Variants in PALM2AKAP2 observed in about 807,000 individuals in gnomAD.
PALM2AKAP2 encodes PALM2 and AKAP2 fusion, also known as PALM2-AKAP2 fusion protein.
Under a neutral mutation model 71.5 loss-of-function variants are expected in PALM2AKAP2, and 37 were observed. The observed-to-expected ratio is 0.52, with a 90% CI of 0.40 to 0.68. PALM2AKAP2 has a LOEUF of 0.68. Among genes scored for constraint, PALM2AKAP2 ranks in the 30% least tolerant of loss-of-function variants. The pLI is 0.00. For missense variants in PALM2AKAP2, 1,224 were observed against 1,191.8 expected, an observed-to-expected ratio of 1.03 and a Z score of -0.40; for synonymous variants, 468 against 478.8, an observed-to-expected ratio of 0.98 and a Z score of 0.29.
At chr9:109,735,153 C>A in intron 1 of PALM2AKAP2, among the ~76,000 whole-genome samples, 1 of 149,592 alleles carries the variant, frequency 6.7e-6, no homozygotes, top group African/African-American at 2.5e-5. Flanking sequence ...TTCTCTGTGT[C>A]TTTGACTCTG....
intron 1 of PALM2AKAP2, among the ~76,000 whole-genome samples, chr9:110,105,907 G>C (rs1835108113): frequency 1.3e-5 from 2 of 152,162 alleles, no homozygotes; most frequent in South Asian, 4.1e-4. Flanking sequence ...AAGAAAAGAA[G>C]CGTCTGACCA....
chr9:109,874,995 C>A (rs1829688366), intron 2 of PALM2AKAP2, among the ~76,000 whole-genome samples: 1 of 152,210 alleles, frequency 6.6e-6, no homozygotes, highest in Admixed American at 6.5e-5. Flanking sequence ...CTGCCCCTTG[C>A]AATGTGTTCT....
At chr9:109,947,015 C>T (rs1261748634) in intron 6 of PALM2AKAP2, among the ~76,000 whole-genome samples, 1 of 152,192 alleles carries the variant, frequency 6.6e-6, no homozygotes, top group Non-Finnish European at 1.5e-5. Flanking sequence ...ATAATTGCCT[C>T]TAAAACTGAT....
intron 6 of PALM2AKAP2, among the ~76,000 whole-genome samples, chr9:109,983,812 C>T (rs188694250): frequency 6.6e-6 from 1 of 151,496 alleles, no homozygotes; most frequent in South Asian, 2.1e-4. Context: ...TTGCAGTGAG[C>T]CGAGATCATG....
At chr9:109,681,617 T>C (rs1275158758) in intron 1 of PALM2AKAP2, among the ~76,000 whole-genome samples, 3 of 152,114 alleles carry the variant, frequency 2.0e-5, no homozygotes, top group Non-Finnish European at 4.4e-5. Flanking sequence ...CAAAAGACAC[T>C]AGGGCAGGAT....
intron 1 of PALM2AKAP2, among the ~76,000 whole-genome samples, chr9:110,121,499 C>T (rs1328145104): frequency 6.6e-6 from 1 of 152,156 alleles, no homozygotes; most frequent in Non-Finnish European, 1.5e-5. Flanking sequence ...GGGAGGGGAA[C>T]CTTCCTAGTG....
intron 1 of PALM2AKAP2, among the ~76,000 whole-genome samples, chr9:110,095,648 A>G (rs1254131308): frequency 2.0e-5 from 3 of 152,128 alleles, no homozygotes; most frequent in Non-Finnish European, 4.4e-5. Context: ...AGCAAGTAGG[A>G]GACGGGGAAG....
exon 2 of PALM2AKAP2, chr9:110,136,978 A>G (rs990010004): frequency 1.2e-6 from 2 of 1,614,164 alleles, no homozygotes; most frequent in East Asian, 4.5e-5. Context: ...CCCCGCAGGA[A>G]AAAACCATCG....
In PALM2AKAP2 at chr9:109,654,900, A is replaced by T. The variant is rs1827277635; in HGVS notation, c.5+14034A>T. Among the ~76,000 whole-genome samples the T allele has an allele frequency of 3.9e-5, 6 of 152,146 alleles. No homozygotes were observed. In the South Asian group the frequency reaches 1.2e-3, roughly 31 times the overall value. ...TTCCCCATTCAACCGTCTCTTGGGA[A>T]TTAGAAAAGGATTCCTAAGATCAAA... is the stretch of plus-strand genomic sequence containing the variant. On this transcript the variant is annotated intron_variant, in intron 1 of 6. Coordinates refer to the PALM2AKAP2 transcript ENST00000374531.
At chr9:110,092,952 C>A (rs529855846) in intron 1 of PALM2AKAP2, among the ~76,000 whole-genome samples, 2 of 152,234 alleles carry the variant, frequency 1.3e-5, no homozygotes, top group African/African-American at 4.8e-5. Context: ...TGGGGGTGAG[C>A]GGCAGTGCTC....
chr9:110,117,933 A>G (rs521888), intron 1 of PALM2AKAP2, among the ~76,000 whole-genome samples: 106,228 of 149,950 alleles, frequency 0.71, 37,877 homozygotes, highest in East Asian at 0.95. Flanking sequence ...AATAAAGTGT[A>G]TATATATAGT....
At chr9:109,876,619 A>G (rs189246726) in intron 2 of PALM2AKAP2, among the ~76,000 whole-genome samples, 183 of 152,268 alleles carry the variant, frequency 1.2e-3, no homozygotes, top group African/African-American at 4.0e-3. Context: ...AGCTGGGATT[A>G]CAGGTGCTCG....
intron 1 of PALM2AKAP2, among the ~76,000 whole-genome samples, chr9:109,763,391 T>C (rs565380876): frequency 1.3e-5 from 2 of 152,128 alleles, no homozygotes; most frequent in Non-Finnish European, 2.9e-5. Flanking sequence ...TGCCTCCTAC[T>C]TGCTTTGCAA....
At chr9:109,711,871 A>C (rs181385074) in intron 1 of PALM2AKAP2, among the ~76,000 whole-genome samples, 1 of 152,322 alleles carries the variant, frequency 6.6e-6, no homozygotes, top group East Asian at 1.9e-4. Context: ...CTTTCAGAGC[A>C]GGAGACAGCA....
intron 7 of PALM2AKAP2, among the ~76,000 whole-genome samples, chr9:110,029,891 G>A (rs1219251208): frequency 2.0e-5 from 3 of 152,112 alleles, no homozygotes; most frequent in Non-Finnish European, 4.4e-5. Flanking sequence ...TGAAATCCTG[G>A]GTAGAACTCA....
chr9:109,843,834 C>T (rs1025859191), intron 1 of PALM2AKAP2, among the ~76,000 whole-genome samples: 20 of 152,182 alleles, frequency 1.3e-4, no homozygotes, highest in Non-Finnish European at 2.4e-4. Context: ...GGAGCCCGGA[C>T]GAGGCCAGCT....
At chr9:110,098,589 A>G (rs551049650) in intron 1 of PALM2AKAP2, among the ~76,000 whole-genome samples, 14 of 152,338 alleles carry the variant, frequency 9.2e-5, no homozygotes, top group African/African-American at 3.1e-4. Context: ...AGAGCAGGTG[A>G]CTTGCTCAAG....
Position 110,156,396 on chromosome 9 carries a change from GA to G in PALM2AKAP2, c.2648del (p.Glu883GlyfsTer11). 1 of 1,612,936 alleles carries G rather than the reference GA, an allele frequency of 6.2e-7. No homozygotes were observed. The highest frequency in any genetic ancestry group is 2.2e-5 in the East Asian group (1 of 44,840). On this transcript the variant is annotated frameshift_variant, in exon 3 of 4. Transcript: ENST00000374525. LOFTEE classifies it high-confidence loss of function. Reference sequence around the variant, plus strand: ...CTTGCAGCCTGACTTAGCCCCTGAAGAGGCTGCCGGAACCCAGCGGCCCAAG... The same window carrying G: ...CTTGCAGCCTGACTTAGCCCCTGAAGGGCTGCCGGAACCCAGCGGCCCAAG...
intron 1 of PALM2AKAP2, among the ~76,000 whole-genome samples, chr9:109,692,067 T>A (rs1333056023): frequency 2.7e-5 from 4 of 149,522 alleles, no homozygotes; most frequent in Non-Finnish European, 3.0e-5. Flanking sequence ...GTATTTAAAT[T>A]TTTTTAAATT....
Sources: allele counts gnomAD v4.1 joint callset (sites outside exome capture counted in the v4.1 genomes callset), GRCh38; gene constraint gnomAD v4.1.1; transcripts MANE v1.5; gene names NCBI Gene and HGNC (gene_info 2026-07-23, HGNC 2026-07-21).